NACC1: variants seen among roughly 807,000 people sequenced by gnomAD.
NACC1 encodes nucleus accumbens-associated protein 1.
Under a neutral mutation model 41.7 loss-of-function variants are expected in NACC1, and 6 were observed. The ratio of observed to expected loss-of-function variants is 0.14; its 90% CI spans 0.08 to 0.28. NACC1 has a LOEUF of 0.28. NACC1 is among the 10% of genes least tolerant of loss of function. The pLI is 1.00. For synonymous variants in NACC1, 338 were observed against 330.6 expected, an observed-to-expected ratio of 1.02 and a Z score of -0.24; for missense variants, 434 against 763.7, an observed-to-expected ratio of 0.57 and a Z score of 5.09.
At chr19:13,132,056 T>G (rs1012504360) in intron 1 of NACC1, among the ~76,000 whole-genome samples, 5 of 151,928 alleles carry the variant, frequency 3.3e-5, no homozygotes, top group African/African-American at 1.2e-4. Context: ...AGATGGAGTT[T>G]CACCGTGTTT....
chr19:13,123,297 G>A (rs899675289), intron 1 of NACC1, among the ~76,000 whole-genome samples: 3 of 152,186 alleles, frequency 2.0e-5, no homozygotes, highest in Non-Finnish European at 2.9e-5. Context: ...ACTCCGAAGG[G>A]TGGGCTTATG....
Position 13,135,216 on chromosome 19 carries a change from G to A in NACC1, c.9G>A (p.Gln3=). 2 of 1,601,354 alleles carry A rather than the reference G, an allele frequency of 1.2e-6. No individual in the cohort carries two copies. The highest frequency in any genetic ancestry group is 1.1e-5 in the South Asian group (1 of 89,476). The change falls in exon 2 of 6, where the codon CAG becomes CAA. Residue 3 remains glutamine, a synonymous_variant. Transcript: ENST00000292431. MA[Q]TLQMEIPNFG... The stretch of plus-strand genomic sequence containing the variant: ...CTCGTGCAGCCGCTGCCATGGCCCA[G>A]ACACTGCAGATGGAGATCCCGAACT...
chr19:13,136,124 T>C lies in NACC1; in HGVS notation c.917T>C (p.Met306Thr). The C allele has an allele frequency of 6.2e-7, 1 of 1,613,514 alleles. No homozygotes were observed. Reference sequence around the variant, plus strand: ...CGGCAGATCTGCAACATGTACACCATGTACAGCATGATGAACGTCGGCCAG... The same window carrying C: ...CGGCAGATCTGCAACATGTACACCACGTACAGCATGATGAACGTCGGCCAG... ...QYRQICNMYT[M>T]YSMMNVGQTA... Residue 306 changes from methionine to threonine, a missense_variant, in exon 2 of 6, where the codon ATG becomes ACG. By Grantham distance (81) the Met-to-Thr change is moderately conservative. Transcript: ENST00000292431. This position sits in a 1 kb window ranked among gnomAD's most constrained non-coding sequence, Gnocchi z 5.5.
intron 1 of NACC1, among the ~76,000 whole-genome samples, chr19:13,123,690 G>C (rs1481942693): frequency 1.3e-5 from 2 of 152,330 alleles, no homozygotes; most frequent in South Asian, 4.1e-4. Context: ...AAGAGCCCCA[G>C]CTCTGGGCTC....
At chr19:13,118,814 A>C (rs1444878314) in intron 1 of NACC1, among the ~76,000 whole-genome samples, 1 of 85,488 alleles carries the variant, frequency 1.2e-5, no homozygotes, top group African/African-American at 4.5e-5. Context: ...GAGGGGGAGG[A>C]GGAGTCGGGC....
rs2019731832 is a variant in NACC1 at position 13,138,070 on chromosome 19, T to C, written c.1325-77T>C. ...CCCTTTGAGAGGGAGTCGCAGATGCTGTAGGGGAGCTGGTGAGTAGGCCTT... is the reference window on the plus strand; with the variant it reads ...CCCTTTGAGAGGGAGTCGCAGATGCCGTAGGGGAGCTGGTGAGTAGGCCTT... On this transcript the variant is annotated intron_variant, in intron 5 of 5. Coordinates refer to ENST00000292431, the MANE Select transcript of NACC1 (RefSeq NM_052876.4). This position sits in a 1 kb window ranked among gnomAD's most constrained non-coding sequence, Gnocchi z 5.7. 6.4e-7 allele frequency: 1 copy of C among 1,571,372 alleles called. No homozygotes were observed. The highest frequency in any genetic ancestry group is 1.3e-5 in the African/African-American group (1 of 74,510).
intron 1 of NACC1, among the ~76,000 whole-genome samples, chr19:13,118,691 C>T (rs891111028): frequency 6.6e-6 from 1 of 151,044 alleles, no homozygotes; most frequent in African/African-American, 2.4e-5. Context: ...CCCCCGTCTC[C>T]CAGCGAGGGA....
intron 1 of NACC1, among the ~76,000 whole-genome samples, chr19:13,127,402 G>GTTTTTTTTTTT (rs2019578620): frequency 2.1e-5 from 1 of 46,572 alleles, no homozygotes; most frequent in African/African-American, 1.3e-4. Context: ...TTTTTTTTTC[G>GTTTTTTTTTTT]GTTAACTGGA....
chr19:13,136,490 C>T lies in NACC1; in HGVS notation c.1120+85C>T. On this transcript the variant is annotated intron_variant, in intron 3 of 5. Transcript: ENST00000292431. This position sits in a 1 kb window ranked among gnomAD's most constrained non-coding sequence, Gnocchi z 5.5. ...CTGGGCTGGGCAGCTGGTTAGGAGC[C>T]CCCAGCACCTCAGTTTCCCTATCTG... 6.9e-7 allele frequency: 1 copy of T among 1,448,370 alleles called. No homozygotes were observed. Among genetic ancestry groups the T allele is most frequent in the South Asian group, 1.4e-5 (1 of 73,834 alleles). The allele number at this position is 1,448,370 out of a possible 1,614,324, so 89.7% of individuals were successfully genotyped here.
chr19:13,135,103 G>T, intron 1 of NACC1, 97 bp from the exon 2 acceptor site: 2 of 1,442,500 alleles, frequency 1.4e-6, no homozygotes, highest in South Asian at 3.0e-5. Flanking sequence ...TCCAGCAGGG[G>T]AGGTCTTTGG....
In NACC1 at chr19:13,136,047, TGAG is replaced by T; in HGVS notation, c.846_848del (p.Glu282del). 4 of 1,613,976 alleles carry T rather than the reference TGAG, an allele frequency of 2.5e-6. No individual in the cohort carries two copies. Among genetic ancestry groups the T allele is most frequent in the Non-Finnish European group, 3.4e-6 (4 of 1,179,954 alleles). On this transcript the variant is annotated inframe_deletion, in exon 2 of 6. Coordinates refer to ENST00000292431, the MANE Select transcript of NACC1 (RefSeq NM_052876.4). This position sits in a 1 kb window ranked among gnomAD's most constrained non-coding sequence, Gnocchi z 5.5. ...GCGACAGCCCTGGCTCCTACCACAATGAGGAGGACGAGGAGGAGGATGGTGGCG... is the reference window on the plus strand; with the variant it reads ...GCGACAGCCCTGGCTCCTACCACAATGAGGACGAGGAGGAGGATGGTGGCG...
intron 1 of NACC1, among the ~76,000 whole-genome samples, chr19:13,125,814 G>T (rs1810905007): frequency 6.6e-6 from 1 of 151,966 alleles, no homozygotes; most frequent in East Asian, 1.9e-4. Flanking sequence ...ATCTTGGCTC[G>T]CTGCAACTTC....
At chr19:13,133,008 A>G (rs1221214231) in intron 1 of NACC1, among the ~76,000 whole-genome samples, 2 of 152,114 alleles carry the variant, frequency 1.3e-5, no homozygotes, top group Admixed American at 6.6e-5. Context: ...GGGTGTTACC[A>G]GATTAGGAGG....
In NACC1 at chr19:13,136,211, C is replaced by G; in HGVS notation, c.947-21C>G. On this transcript the variant is annotated intron_variant, in intron 2 of 5. Transcript: ENST00000292431. This position sits in a 1 kb window ranked among gnomAD's most constrained non-coding sequence, Gnocchi z 5.5. ...CCACCCCTGCTCCTCCTGCCACTCG[C>G]GTGCCACTCTCTCCCTGCAGCCGAG... The G allele has an allele frequency of 6.2e-7, 1 of 1,607,118 alleles. No individual in the cohort carries two copies.
chr19:13,128,752 C>T (rs1346042635), intron 1 of NACC1, among the ~76,000 whole-genome samples: 3 of 152,220 alleles, frequency 2.0e-5, no homozygotes, highest in Non-Finnish European at 2.9e-5. Context: ...TACTTTGTCA[C>T]CATTGTGGCC....
rs2019595518 is a variant in NACC1, at chr19:13,128,733, A to G, written c.-8-6467A>G. 2.0e-5 allele frequency among the ~76,000 whole-genome samples: 3 copies of G among 152,232 alleles called. No homozygotes were observed. In the South Asian group the frequency reaches 6.2e-4, roughly 31 times the overall value. On this transcript the variant is annotated intron_variant, in intron 1 of 5. Transcript: ENST00000292431. ...TCTCCTGCTGGACTGTGAGCTCCAG[A>G]GGCAGGGCTACTTTGTCACCATTGT...
intron 1 of NACC1, among the ~76,000 whole-genome samples, chr19:13,129,293 A>G (rs1463135478): frequency 6.6e-6 from 1 of 152,154 alleles, no homozygotes; most frequent in Non-Finnish European, 1.5e-5. Flanking sequence ...CCCCTGCTTC[A>G]GCCAGCAGGT....
rs2019741446 is a variant in NACC1, at chr19:13,138,622, CTTT to C, written c.*217_*219del. On this transcript the variant is annotated 3_prime_UTR_variant, in exon 6 of 6. Coordinates refer to ENST00000292431, the MANE Select transcript of NACC1 (RefSeq NM_052876.4). The surrounding 1 kb of genome is among the most constrained non-coding windows in gnomAD (Gnocchi z 5.7). ...GGTGGCGTGAGGTCCGTGTTGCCTTCTTTAACACACACTCGTGCAGTGGGGGAG... is the reference window on the plus strand; with the variant it reads ...GGTGGCGTGAGGTCCGTGTTGCCTTCAACACACACTCGTGCAGTGGGGGAG... 2 of 640,380 alleles carry C rather than the reference CTTT, an allele frequency of 3.1e-6. No homozygotes were observed. Among genetic ancestry groups the C allele is most frequent in the Non-Finnish European group, 5.3e-6 (2 of 375,974 alleles). 39.7% of individuals were successfully genotyped at this position (640,380 alleles called of 1,614,324 possible). A position where few individuals can be genotyped will look rare whatever the true frequency, so the allele number is the denominator to read the frequency against.
chr19:13,128,205 G>C (rs540943995), intron 1 of NACC1, among the ~76,000 whole-genome samples: 1 of 152,260 alleles, frequency 6.6e-6, no homozygotes, highest in East Asian at 1.9e-4. Context: ...GACTCCAGTG[G>C]GGGAGGCATC....
Sources: allele counts gnomAD v4.1 joint callset (sites outside exome capture counted in the v4.1 genomes callset), GRCh38; gene constraint gnomAD v4.1.1; non-coding constraint Gnocchi (gnomAD v3.1); transcripts MANE v1.5; gene names NCBI Gene and HGNC (gene_info 2026-07-23, HGNC 2026-07-21).